Variants in POLA1 observed in about 807,000 individuals in gnomAD.
POLA1 encodes DNA polymerase alpha 1, catalytic subunit.
POLA1 carries 15 observed loss-of-function variants against 124.0 expected under a neutral mutation model. The observed-to-expected ratio is 0.12, with a 90% confidence interval of 0.08 to 0.19. The LOEUF is 0.19. Among genes scored for constraint, POLA1 ranks in the 10% least tolerant of loss-of-function variants. POLA1 has a pLI of 1.00. For synonymous variants in POLA1, 408 were observed against 389.4 expected (o/e 1.05, Z -0.56); for missense variants, 886 against 1,103.4 (o/e 0.80, Z 2.79).
chrX:24,950,752 GGT>G (rs1340077235), intron 36 of POLA1, among the ~76,000 whole-genome samples: 1 of 111,845 alleles, frequency 8.9e-6, no homozygotes, highest in East Asian at 2.8e-4. Context: ...CATAATTAGA[GGT>G]GTGTTTAAGC....
intron 35 of POLA1, among the ~76,000 whole-genome samples, chrX:24,888,459 A>G (rs2047092852): frequency 9.0e-6 from 1 of 111,038 alleles, no homozygotes; most frequent in African/African-American, 3.3e-5. Flanking sequence ...CCCATTTGTA[A>G]GAGCCAGAAA....
chrX:24,965,966 A>G (rs1011083427), intron 36 of POLA1, among the ~76,000 whole-genome samples: 14 of 112,047 alleles, frequency 1.2e-4, no homozygotes, highest in African/African-American at 4.2e-4. Flanking sequence ...CTGATTGGCA[A>G]TTCAAATGTG....
chrX:24,696,149 G>T (rs1927983062), intron 1 of POLA1, among the ~76,000 whole-genome samples: 1 of 112,525 alleles, frequency 8.9e-6, no homozygotes, highest in African/African-American at 3.2e-5. Context: ...AAGCAGACAT[G>T]ATTATCCCCA....
At chrX:24,981,868 T>G (rs2147289168) in intron 36 of POLA1, among the ~76,000 whole-genome samples, 1 of 112,521 alleles carries the variant, frequency 8.9e-6, no homozygotes, top group South Asian at 3.7e-4. Flanking sequence ...ATATTTTGCT[T>G]TTGTTTTGTT....
At position 24,813,584 on chromosome X, in the gene POLA1, C is replaced by T. The variant is rs891042383; in HGVS notation, c.3296+721C>T. Among the ~76,000 whole-genome samples, 12 of 112,029 alleles carry T rather than the reference C, an allele frequency of 1.1e-4. 1 individual carries two copies. The highest frequency in any genetic ancestry group is 3.9e-4 in the African/African-American group (12 of 30,840). ...ATCCCAGCACTTTGGGAGGCCGAGG[C>T]GGGAAGATCACTTGAGGTCAGGAGT... On this transcript the variant is annotated intron_variant, in intron 29 of 36. Coordinates refer to ENST00000379068, the MANE Select transcript of POLA1 (RefSeq NM_001330360.2).
At chrX:24,989,226 A>G (rs2147299933) in intron 36 of POLA1, among the ~76,000 whole-genome samples, 1 of 111,343 alleles carries the variant, frequency 9.0e-6, no homozygotes, top group South Asian at 3.8e-4. Context: ...AAGCACAAAC[A>G]CATTTCTCAC....
At chrX:24,887,779 T>C (rs1424735778) in intron 34 of POLA1, among the ~76,000 whole-genome samples, 1 of 109,322 alleles carries the variant, frequency 9.1e-6, no homozygotes, top group Admixed American at 9.8e-5. Flanking sequence ...AAAAATAACA[T>C]CTCATGTGAT....
chrX:24,991,485 G>A lies in POLA1; in HGVS notation c.4262-4320G>A, dbSNP rs372590668. On this transcript the variant is annotated intron_variant, in intron 36 of 36. Coordinates refer to ENST00000379068, the MANE Select transcript of POLA1 (RefSeq NM_001330360.2). ...GCTTTATTCTGTCTCCTCCCTTCTCGCATCGGCCTCTGCTCTTCCCCAAAC... is the reference window on the plus strand; with the variant it reads ...GCTTTATTCTGTCTCCTCCCTTCTCACATCGGCCTCTGCTCTTCCCCAAAC... Among the ~76,000 whole-genome samples the A allele has an allele frequency of 3.6e-5, 4 of 112,146 alleles. No homozygotes were observed. The South Asian group carries it at 1.5e-3, about 42-fold the overall frequency.
intron 35 of POLA1, among the ~76,000 whole-genome samples, chrX:24,902,711 TA>T (rs1371794766): frequency 2.7e-5 from 3 of 111,488 alleles, no homozygotes; most frequent in Non-Finnish European, 3.8e-5. Flanking sequence ...TGTGTGTTCC[TA>T]AAAATCACTA....
intron 32 of POLA1, among the ~76,000 whole-genome samples, chrX:24,839,134 T>C (rs375948404): frequency 1.5e-4 from 17 of 112,148 alleles, no homozygotes; most frequent in African/African-American, 5.2e-4. Context: ...CCCAAGAAAA[T>C]AACTTTTTAA....
At chrX:24,708,355 T>A (rs1928953410) in intron 4 of POLA1, among the ~76,000 whole-genome samples, 1 of 107,525 alleles carries the variant, frequency 9.3e-6, no homozygotes. Flanking sequence ...TTTCACAATC[T>A]TAGGCTCATG....
chrX:24,822,010 C>T (rs2046095686), intron 31 of POLA1, among the ~76,000 whole-genome samples: 1 of 110,640 alleles, frequency 9.0e-6, no homozygotes, highest in Non-Finnish European at 1.9e-5. Flanking sequence ...ATCCTATGAA[C>T]ATACCCTATG....
At chrX:24,733,672 T>A in intron 16 of POLA1, 83 bp from the exon 17 acceptor site, 1 of 493,695 alleles carries the variant, frequency 2.0e-6, no homozygotes, top group Non-Finnish European at 3.4e-6. Context: ...TAAGACAGTT[T>A]CGTTTGGAAA....
intron 34 of POLA1, among the ~76,000 whole-genome samples, chrX:24,863,964 A>G (rs1163555547): frequency 1.1e-5 from 1 of 94,054 alleles, no homozygotes; most frequent in Non-Finnish European, 2.0e-5. Context: ...GGAACTATTT[A>G]TTTATTTATT....
intron 35 of POLA1, among the ~76,000 whole-genome samples, chrX:24,924,586 A>G: frequency 9.2e-6 from 1 of 108,368 alleles, no homozygotes; most frequent in East Asian, 2.9e-4. Context: ...CTGGGGTGGG[A>G]GCTGTAGGTC....
intron 35 of POLA1, among the ~76,000 whole-genome samples, chrX:24,897,413 C>T (rs1045028987): frequency 9.7e-4 from 102 of 105,699 alleles, no homozygotes; most frequent in African/African-American, 3.5e-3. Flanking sequence ...TCTGCTATCC[C>T]CACTCATCAC....
intron 15 of POLA1, among the ~76,000 whole-genome samples, chrX:24,730,095 C>T (rs925081759): frequency 3.6e-5 from 4 of 111,290 alleles, no homozygotes; most frequent in African/African-American, 6.5e-5. Context: ...CTGCACCCGG[C>T]GTGATCTTTT....
At chrX:24,729,790 A>G (rs1018700440) in intron 15 of POLA1, among the ~76,000 whole-genome samples, 1 of 106,556 alleles carries the variant, frequency 9.4e-6, no homozygotes, top group African/African-American at 3.4e-5. Flanking sequence ...TTTTTTTAGT[A>G]TGTGTTTTGA....
chrX:24,794,143 A>G (rs1415918708), intron 26 of POLA1, among the ~76,000 whole-genome samples: 2 of 108,695 alleles, frequency 1.8e-5, no homozygotes, highest in African/African-American at 3.4e-5. Flanking sequence ...CACCTGGCTA[A>G]TTTTTGTATT....
Sources: allele counts gnomAD v4.1 joint callset (sites outside exome capture counted in the v4.1 genomes callset), GRCh38; gene constraint gnomAD v4.1.1; transcripts MANE v1.5; gene names NCBI Gene and HGNC (gene_info 2026-07-23, HGNC 2026-07-21).